Variants in DYNC1I1 observed in about 807,000 individuals in gnomAD.
DYNC1I1 encodes the protein dynein cytoplasmic 1 intermediate chain 1.
In DYNC1I1, 43 loss-of-function variants were observed where a neutral mutation model predicts 86.6. That is an observed-to-expected ratio of 0.50 (90% CI 0.39 to 0.64). The LOEUF (loss-of-function observed/expected upper bound fraction) is 0.64, where lower values mean the gene tolerates loss of function less well. Ranked by LOEUF, DYNC1I1 falls within the 30% of genes least tolerant of loss-of-function variation. The pLI is 0.00. For missense variants in DYNC1I1, 604 were observed against 788.8 expected, an observed-to-expected ratio of 0.77 and a Z score of 2.81; for synonymous variants, 262 against 283.7, an observed-to-expected ratio of 0.92 and a Z score of 0.77.
At chr7:95,851,159 C>T (rs1452527125) in intron 5 of DYNC1I1, among the ~76,000 whole-genome samples, 1 of 151,774 alleles carries the variant, frequency 6.6e-6, no homozygotes, top group African/African-American at 2.4e-5. Context: ...GGTCTCAAAC[C>T]CCTGGCCTCA....
intron 5 of DYNC1I1, among the ~76,000 whole-genome samples, chr7:95,834,518 A>C (rs199783119): frequency 1.4e-3 from 156 of 111,130 alleles, no homozygotes; most frequent in African/African-American, 5.4e-3. Context: ...CTCTTTTTCT[A>C]TTGATTGGAA....
chr7:95,868,076 C>A (rs949767288), intron 5 of DYNC1I1, among the ~76,000 whole-genome samples: 1 of 152,152 alleles, frequency 6.6e-6, no homozygotes, highest in Non-Finnish European at 1.5e-5. Flanking sequence ...AAGAAGGGAG[C>A]AAGGTTTGTC....
At chr7:96,037,603 G>A (rs1794958258) in intron 13 of DYNC1I1, among the ~76,000 whole-genome samples, 1 of 150,986 alleles carries the variant, frequency 6.6e-6, no homozygotes, top group African/African-American at 2.5e-5. Context: ...GATTATCTAC[G>A]AAGGCTATAG....
In DYNC1I1 at chr7:96,097,539, T is replaced by C. The variant is rs1471810011; in HGVS notation, c.1833T>C (p.Ile611=). Residue 611 remains isoleucine (I), a synonymous_variant, in exon 17 of 17, where the codon ATT becomes ATC. Coordinates refer to ENST00000447467, the MANE Select transcript of DYNC1I1 (RefSeq NM_001135556.2). ...WTRFARTLVE[I]RANRADSEEE... ...GATTTGCCAGGACCCTTGTGGAAAT[T>C]CGTGCTAACAGAGCTGATAGCGAGG... is the stretch of plus-strand genomic sequence containing the variant. 1 of 1,613,822 alleles carries C rather than the reference T, an allele frequency of 6.2e-7. No homozygotes were observed. The highest frequency in any genetic ancestry group is 2.2e-5 in the East Asian group (1 of 44,878).
chr7:95,809,598 A>G (rs1794782275), intron 2 of DYNC1I1, among the ~76,000 whole-genome samples: 1 of 152,174 alleles, frequency 6.6e-6, no homozygotes, highest in Non-Finnish European at 1.5e-5. Flanking sequence ...ATCCCACCAC[A>G]GATCTTGTTT....
At chr7:95,874,099 T>C (rs1790242374) in intron 6 of DYNC1I1, among the ~76,000 whole-genome samples, 1 of 152,234 alleles carries the variant, frequency 6.6e-6, no homozygotes, top group South Asian at 2.1e-4. Context: ...TGTCTTTAAA[T>C]TCTTCATGCC....
At chr7:95,833,980 T>A (rs1299651051) in intron 5 of DYNC1I1, among the ~76,000 whole-genome samples, 2 of 94,432 alleles carry the variant, frequency 2.1e-5, no homozygotes, top group Non-Finnish European at 4.0e-5. Flanking sequence ...CCTGCCTAAT[T>A]GCCCTGGCCA....
intron 5 of DYNC1I1, among the ~76,000 whole-genome samples, chr7:95,856,719 G>A (rs944727321): frequency 3.3e-5 from 5 of 152,112 alleles, no homozygotes; most frequent in African/African-American, 1.2e-4. Flanking sequence ...GGTGGCTCAC[G>A]CCTGTAATCC....
intron 1 of DYNC1I1, 87 bp from the exon 2 acceptor site, chr7:95,804,634 G>A: frequency 5.2e-6 from 7 of 1,339,906 alleles, no homozygotes; most frequent in Non-Finnish European, 6.9e-6. Context: ...ACATTGTTAA[G>A]TTGCATTTTC....
intron 1 of DYNC1I1, among the ~76,000 whole-genome samples, chr7:95,802,966 C>T (rs575292302): frequency 1.3e-5 from 2 of 152,280 alleles, no homozygotes; most frequent in African/African-American, 4.8e-5. Context: ...TTTACCTATT[C>T]CTCAATGCTT....
At chr7:96,075,963 A>G in intron 14 of DYNC1I1, 94 bp from the exon 15 acceptor site, 1 of 1,515,706 alleles carries the variant, frequency 6.6e-7, no homozygotes, top group African/African-American at 1.4e-5. Flanking sequence ...GTTTTATGAC[A>G]CTTTGTGAAT....
intron 10 of DYNC1I1, among the ~76,000 whole-genome samples, chr7:96,002,513 C>G (rs1794036170): frequency 6.6e-6 from 1 of 152,118 alleles, no homozygotes; most frequent in African/African-American, 2.4e-5. Flanking sequence ...TGTTATGAAA[C>G]TATAATAAAT....
intron 9 of DYNC1I1, 148 bp from the exon 10 acceptor site, chr7:95,995,800 T>C: frequency 9.0e-7 from 1 of 1,109,200 alleles, no homozygotes; most frequent in Non-Finnish European, 1.3e-6. Flanking sequence ...TGCAGGAGGT[T>C]GCAGCAGTAA....
intron 6 of DYNC1I1, among the ~76,000 whole-genome samples, chr7:95,917,903 C>G (rs1009804465): frequency 1.3e-5 from 2 of 152,280 alleles, no homozygotes; most frequent in African/African-American, 4.8e-5. Flanking sequence ...CATTCTGCCC[C>G]TTGGCCTGGG....
At chr7:95,934,275 C>T (rs535204994) in intron 6 of DYNC1I1, among the ~76,000 whole-genome samples, 6 of 152,108 alleles carry the variant, frequency 3.9e-5, no homozygotes, top group South Asian at 2.1e-4. Flanking sequence ...TAGGGTATAC[C>T]GGTACACTAT....
intron 6 of DYNC1I1, among the ~76,000 whole-genome samples, chr7:95,943,974 C>A (rs999343189): frequency 7.2e-5 from 11 of 152,082 alleles, no homozygotes; most frequent in Non-Finnish European, 1.2e-4. Flanking sequence ...GCAAGGACTT[C>A]ATGTCTAAAA....
intron 11 of DYNC1I1, 28 bp downstream of exon 11, chr7:96,028,349 T>G: frequency 1.3e-6 from 2 of 1,576,440 alleles, no homozygotes; most frequent in Non-Finnish European, 1.7e-6. Flanking sequence ...CATATCCCTG[T>G]GAGCCGCCAG....
intron 6 of DYNC1I1, among the ~76,000 whole-genome samples, chr7:95,944,418 T>G (rs553739879): frequency 4.6e-5 from 7 of 152,332 alleles, no homozygotes; most frequent in Admixed American, 1.3e-4. Context: ...ACTTTTACAC[T>G]GTTGATGGGA....
chr7:96,079,758 A>G (rs1227071076), intron 15 of DYNC1I1, among the ~76,000 whole-genome samples: 1 of 152,180 alleles, frequency 6.6e-6, no homozygotes, highest in African/African-American at 2.4e-5. Flanking sequence ...AGGAAGACAG[A>G]TTTAACAAAA....
Sources: allele counts gnomAD v4.1 joint callset (sites outside exome capture counted in the v4.1 genomes callset), GRCh38; gene constraint gnomAD v4.1.1; transcripts MANE v1.5; gene names NCBI Gene and HGNC (gene_info 2026-07-23, HGNC 2026-07-21).